GALNT17: variants seen among roughly 807,000 people sequenced by gnomAD.
The protein encoded by GALNT17 is UDP-GalNAc:polypeptide N-acetylgalactosaminyltransferase-like 3.
GALNT17 carries 29 observed loss-of-function variants against 63.7 expected under a neutral mutation model. The ratio of observed to expected loss-of-function variants is 0.46; its 90% CI spans 0.34 to 0.62. GALNT17 has a LOEUF of 0.62. Among genes scored for constraint, GALNT17 ranks in the 20% least tolerant of loss-of-function variants. GALNT17 has a pLI of 0.01. For synonymous variants in GALNT17, 305 were observed against 318.3 expected, an observed-to-expected ratio of 0.96 and a Z score of 0.45; for missense variants, 603 against 799.6, an observed-to-expected ratio of 0.75 and a Z score of 2.97.
chr7:71,149,833 C>G (rs1258976145), intron 1 of GALNT17, among the ~76,000 whole-genome samples: 2 of 152,154 alleles, frequency 1.3e-5, no homozygotes, highest in Admixed American at 1.3e-4. Flanking sequence ...CGTGTCCTTC[C>G]TATGATTGCA....
intron 5 of GALNT17, among the ~76,000 whole-genome samples, chr7:71,488,656 T>G (rs1346570807): frequency 6.8e-6 from 1 of 147,104 alleles, no homozygotes; most frequent in Non-Finnish European, 1.5e-5. Flanking sequence ...CTTGGCTCAC[T>G]GCAACCTCTG....
chr7:71,520,454 C>T lies in GALNT17; in HGVS notation c.963-50831C>T, dbSNP rs548033808. Among the ~76,000 whole-genome samples, 10 of 151,806 alleles carry T rather than the reference C, an allele frequency of 6.6e-5. No homozygotes were observed. The South Asian group carries it at 1.2e-3, about 19-fold the overall frequency. ...AGGAGAATTGCTTGAACCCAGGAGG[C>T]GGAGGTTGTAGTGAGCTGAGATCGC... On this transcript the variant is annotated intron_variant, in intron 5 of 10. Coordinates refer to ENST00000333538, the MANE Select transcript of GALNT17 (RefSeq NM_022479.3).
At chr7:71,346,026 TA>T (rs35499113) in intron 2 of GALNT17, among the ~76,000 whole-genome samples, 19,930 of 127,106 alleles carry the variant, frequency 0.16, 1,569 homozygotes, top group East Asian at 0.36. Context: ...TACTAAAAAT[TA>T]AAAAAAAAAA....
At chr7:71,523,108 G>A (rs1252177678) in intron 5 of GALNT17, among the ~76,000 whole-genome samples, 1 of 152,124 alleles carries the variant, frequency 6.6e-6, no homozygotes, top group East Asian at 1.9e-4. Context: ...ACAATTCTGT[G>A]AACATTCTAA....
intron 9 of GALNT17, among the ~76,000 whole-genome samples, chr7:71,689,105 G>A (rs1023840482): frequency 2.0e-5 from 3 of 152,142 alleles, no homozygotes; most frequent in Non-Finnish European, 2.9e-5. Context: ...AGACAGGACC[G>A]CGAACGTAAA....
Position 71,132,719 on chromosome 7 carries a change from G to C in GALNT17, c.-84G>C. 1 of 1,197,652 alleles carries C rather than the reference G, an allele frequency of 8.3e-7. No individual in the cohort carries two copies. The highest frequency in any genetic ancestry group is 1.5e-5 in the South Asian group (1 of 65,176). The allele number at this position is 1,197,652 out of a possible 1,614,324, so 74.2% of individuals were successfully genotyped here. On this transcript the variant is annotated 5_prime_UTR_variant, in exon 1 of 11. Transcript: ENST00000333538. ...TCCCTGCCGGCCGTCTGGTGTGTGAGGCTTGCACGGCCCCTGGCTGCCCCG... is the reference window on the plus strand; with the variant it reads ...TCCCTGCCGGCCGTCTGGTGTGTGACGCTTGCACGGCCCCTGGCTGCCCCG...
intron 5 of GALNT17, among the ~76,000 whole-genome samples, chr7:71,564,357 G>A (rs1299187682): frequency 7.7e-6 from 1 of 130,530 alleles, no homozygotes; most frequent in Non-Finnish European, 1.5e-5. Flanking sequence ...CATGATCTCT[G>A]CTCACTACAA....
At chr7:71,396,815 A>G (rs1793147393) in intron 3 of GALNT17, among the ~76,000 whole-genome samples, 1 of 152,264 alleles carries the variant, frequency 6.6e-6, no homozygotes, top group South Asian at 2.1e-4. Context: ...TTTTCAGTAT[A>G]CACATTTTAC....
At chr7:71,138,706 G>A (rs950590484) in intron 1 of GALNT17, among the ~76,000 whole-genome samples, 15 of 152,158 alleles carry the variant, frequency 9.9e-5, no homozygotes, top group Non-Finnish European at 2.1e-4. Context: ...GGGCACAGTG[G>A]CTCACGCCTG....
chr7:71,525,460 C>A (rs1248847350), intron 5 of GALNT17, among the ~76,000 whole-genome samples: 1 of 152,146 alleles, frequency 6.6e-6, no homozygotes, highest in African/African-American at 2.4e-5. Flanking sequence ...CCCTCCTCGG[C>A]CTCCCAAAGT....
rs562902239 is a variant in GALNT17 at position 71,563,729 on chromosome 7, C to T, written c.963-7556C>T. ...AAGTAGCTGGGACTATAGGCACATG[C>T]CGCCACACCTGACTAATTTTTTATT... On this transcript the variant is annotated intron_variant, in intron 5 of 10. Transcript: ENST00000333538. 3.3e-5 allele frequency among the ~76,000 whole-genome samples: 5 copies of T among 152,224 alleles called. No individual in the cohort carries two copies. The South Asian group carries it at 1.0e-3, about 32-fold the overall frequency.
At chr7:71,263,934 A>C (rs1395112927) in intron 1 of GALNT17, among the ~76,000 whole-genome samples, 4 of 152,168 alleles carry the variant, frequency 2.6e-5, no homozygotes, top group Non-Finnish European at 5.9e-5. Context: ...AAAAAAACAA[A>C]AAAACAACTT....
At chr7:71,167,750 C>T (rs1247005123) in intron 1 of GALNT17, among the ~76,000 whole-genome samples, 1 of 152,234 alleles carries the variant, frequency 6.6e-6, no homozygotes, top group Non-Finnish European at 1.5e-5. Flanking sequence ...AGTGCCGTGG[C>T]GTGATCTTGG....
In GALNT17 at chr7:71,132,714, T is replaced by G; in HGVS notation, c.-89T>G. ...TTGGATCCCTGCCGGCCGTCTGGTGTGTGAGGCTTGCACGGCCCCTGGCTG... is the reference window on the plus strand; with the variant it reads ...TTGGATCCCTGCCGGCCGTCTGGTGGGTGAGGCTTGCACGGCCCCTGGCTG... On this transcript the variant is annotated 5_prime_UTR_variant, in exon 1 of 11. Transcript: ENST00000333538. 1 of 1,120,450 alleles carries G rather than the reference T, an allele frequency of 8.9e-7. No homozygotes were observed. The highest frequency in any genetic ancestry group is 1.3e-6 in the Non-Finnish European group (1 of 795,446). The allele number at this position is 1,120,450 out of a possible 1,614,324, so 69.4% of individuals were successfully genotyped here. A position where few individuals can be genotyped will look rare whatever the true frequency, so the allele number is the denominator to read the frequency against.
chr7:71,193,083 A>G (rs772516902), intron 1 of GALNT17, among the ~76,000 whole-genome samples: 3 of 137,588 alleles, frequency 2.2e-5, no homozygotes, highest in Non-Finnish European at 4.5e-5. Flanking sequence ...TTATTTATTT[A>G]TTTATTTATT....
intron 5 of GALNT17, among the ~76,000 whole-genome samples, chr7:71,528,033 A>G (rs1788653884): frequency 6.6e-6 from 1 of 152,192 alleles, no homozygotes; most frequent in Non-Finnish European, 1.5e-5. Context: ...GCAAGCTACA[A>G]AATAGAGAGC....
chr7:71,307,516 C>T (rs1300864661), intron 1 of GALNT17, among the ~76,000 whole-genome samples: 1 of 151,748 alleles, frequency 6.6e-6, no homozygotes, highest in Non-Finnish European at 1.5e-5. Context: ...AATTATAATA[C>T]AGCTTATCAA....
chr7:71,257,110 A>T (rs1236812916), intron 1 of GALNT17, among the ~76,000 whole-genome samples: 1 of 152,180 alleles, frequency 6.6e-6, no homozygotes, highest in Non-Finnish European at 1.5e-5. Flanking sequence ...TATAGCTCGT[A>T]GTTTGTAACC....
intron 2 of GALNT17, among the ~76,000 whole-genome samples, chr7:71,377,085 C>CAAAAAAAAA (rs34111153): frequency 1.6e-4 from 3 of 18,542 alleles, no homozygotes; most frequent in Non-Finnish European, 1.9e-4. Context: ...TATTCCATCT[C>CAAAAAAAAA]AAAAAAAAAA....
Sources: allele counts gnomAD v4.1 joint callset (sites outside exome capture counted in the v4.1 genomes callset), GRCh38; gene constraint gnomAD v4.1.1; transcripts MANE v1.5; gene names NCBI Gene and HGNC (gene_info 2026-07-23, HGNC 2026-07-21).